Variants in ACSL5 observed in about 807,000 individuals in gnomAD.
The protein encoded by ACSL5 is long-chain-fatty-acid--CoA ligase 5.
A neutral mutation model predicts 84.9 loss-of-function variants in ACSL5; 50 were observed. That is an observed-to-expected ratio of 0.59 (90% CI 0.47 to 0.75). ACSL5 has a LOEUF of 0.75. ACSL5 is among the 30% of genes least tolerant of loss of function. ACSL5 has a pLI of 0.00. For missense variants in ACSL5, 775 were observed against 830.4 expected (o/e 0.93, Z 0.82); for synonymous variants, 280 against 300.7 (o/e 0.93, Z 0.71).
At chr10:112,412,069 C>T in intron 11 of ACSL5, 90 bp downstream of exon 11, 2 of 1,326,416 alleles carry the variant, frequency 1.5e-6, no homozygotes, top group Non-Finnish European at 2.2e-6. Flanking sequence ...ACAGTATTTA[C>T]TGTTCTTTCT....
rs1844488132 is a variant in ACSL5, at chr10:112,422,456, A to C, written c.1593+15A>C. ...GCTGGCTCCCGGTAGGTATATCATC[A>C]GAACTCCTGGAAGTCTATGCTAATG... is the stretch of plus-strand genomic sequence containing the variant. On this transcript the variant is annotated intron_variant, in intron 17 of 20. Transcript: ENST00000354655. The C allele has an allele frequency of 6.2e-7, 1 of 1,607,370 alleles. No individual in the cohort carries two copies. Among genetic ancestry groups the C allele is most frequent in the Non-Finnish European group, 8.5e-7 (1 of 1,174,708 alleles).
At chr10:112,376,120 A>G in intron 1 of ACSL5, 2 of 749,130 alleles carry the variant, frequency 2.7e-6, no homozygotes, top group Non-Finnish European at 4.1e-6. Flanking sequence ...AAAGGCTTTG[A>G]CACGGAGCCA....
Position 112,395,034 on chromosome 10 carries a change from T to C in ACSL5, c.88T>C (p.Trp30Arg), listed in dbSNP as rs1453956256. ...GACATTTGGAGCTGCCATCTTCTTG[T>C]GGCTGATCACCAGACCTCAACCCGT... ...ILTFGAAIFL[W>R]LITRPQPVLP... Residue 30 changes from tryptophan to arginine, a missense_variant, in exon 2 of 21, where the codon TGG becomes CGG. Physicochemically the swap from Trp to Arg is moderately radical, Grantham distance 101. Transcript: ENST00000354655. 9.9e-6 allele frequency: 16 copies of C among 1,614,038 alleles called. No homozygotes were observed. In the Admixed American group the frequency reaches 1.3e-4, roughly 13 times the overall value.
chr10:112,411,647 C>CAT (rs1439326446), intron 10 of ACSL5, 118 bp downstream of exon 10: 12 of 987,564 alleles, frequency 1.2e-5, no homozygotes, highest in Admixed American at 2.1e-5. Flanking sequence ...CACACACACA[C>CAT]GTTAAAGGCT....
intron 2 of ACSL5, among the ~76,000 whole-genome samples, chr10:112,396,707 C>T (rs1843754090): frequency 6.6e-6 from 1 of 152,058 alleles, no homozygotes; most frequent in Non-Finnish European, 1.5e-5. Context: ...CACACACACA[C>T]CCCTCCTTTC....
intron 1 of ACSL5, among the ~76,000 whole-genome samples, chr10:112,386,179 CTCT>C (rs1352945079): frequency 2.3e-4 from 29 of 126,280 alleles, no homozygotes; most frequent in African/African-American, 8.6e-4. Context: ...ACTCCTATAG[CTCT>C]TTTTTTTTTT....
At chr10:112,424,878 T>G (rs1844608938) in intron 17 of ACSL5, 1 of 152,824 alleles carries the variant, frequency 6.5e-6, no homozygotes, top group Non-Finnish European at 1.5e-5. Flanking sequence ...ACAGTGGAGC[T>G]GTTTGAGCCT....
rs1385452780 is a variant in ACSL5 at position 112,394,982 on chromosome 10, T to G, written c.36T>G (p.Leu12=). 5.6e-6 allele frequency: 9 copies of G among 1,613,920 alleles called. No individual in the cohort carries two copies. The Admixed American group carries it at 1.0e-4, about 18-fold the overall frequency. ...LFIFNFLFSP[L]PTPALICILT... is the part of the protein sequence containing the mutation. ...TCTTTAACTTTTTGTTTTCCCCACT[T>G]CCGACCCCGGCGTTGATCTGCATCC... Residue 12 remains leucine (L), a synonymous_variant, in exon 2 of 21, where the codon CTT becomes CTG. Coordinates refer to ENST00000354655, the MANE Select transcript of ACSL5 (RefSeq NM_203379.2).
At chr10:112,378,189 G>A (rs1849277642) in intron 1 of ACSL5, among the ~76,000 whole-genome samples, 1 of 144,324 alleles carries the variant, frequency 6.9e-6, no homozygotes, top group South Asian at 2.3e-4. Flanking sequence ...TACACAGTAG[G>A]TACTCTTATA....
rs181982494 is a variant in ACSL5, at chr10:112,405,392, G to A, written c.432+586G>A. On this transcript the variant is annotated intron_variant, in intron 5 of 20. Transcript: ENST00000354655. ...GATACATATAACATACAAAATCTGT[G>A]TTAACTGTCTGTGTTATCAGCAAGG... Among the ~76,000 whole-genome samples, 43 of 152,278 alleles carry A rather than the reference G, an allele frequency of 2.8e-4. 1 individual carries two copies. The highest frequency in any genetic ancestry group is 4.4e-5 in the Non-Finnish European group (3 of 68,014).
intron 17 of ACSL5, among the ~76,000 whole-genome samples, chr10:112,423,250 G>A (rs1183910337): frequency 3.8e-5 from 3 of 78,496 alleles, no homozygotes; most frequent in Non-Finnish European, 7.4e-5. Context: ...ATATAGGCTG[G>A]AAGTCATGAG....
chr10:112,409,732 C>T, intron 7 of ACSL5, 47 bp downstream of exon 7: 1 of 1,577,146 alleles, frequency 6.3e-7, no homozygotes, highest in Non-Finnish European at 8.7e-7. Context: ...TGTCCAACAC[C>T]TTGGGCAACT....
Position 112,422,417 on chromosome 10 carries a change from A to C in ACSL5, c.1569A>C (p.Thr523=). 6.2e-7 allele frequency: 1 copy of C among 1,614,154 alleles called. No homozygotes were observed. Among genetic ancestry groups the C allele is most frequent in the Non-Finnish European group, 8.5e-7 (1 of 1,179,994 alleles). ...EALDSDGWLH[T]GDIGRWLPNG... ...TGGACAGTGATGGCTGGCTTCACAC[A>C]GGAGACATTGGTCGCTGGCTCCCGG... The change falls in exon 17 of 21, where the codon ACA becomes ACC. Residue 523 remains threonine (T), a synonymous_variant. Coordinates refer to ENST00000354655, the MANE Select transcript of ACSL5 (RefSeq NM_203379.2).
intron 9 of ACSL5, among the ~76,000 whole-genome samples, 167 bp downstream of exon 9, chr10:112,410,802 TA>T (rs1475547912): frequency 1.3e-5 from 2 of 152,200 alleles, no homozygotes; most frequent in Non-Finnish European, 2.9e-5. Flanking sequence ...AACATAAACA[TA>T]AGTAAATACA....
At chr10:112,412,510 C>G (rs1844203526) in intron 11 of ACSL5, 1 of 153,038 alleles carries the variant, frequency 6.5e-6, no homozygotes, top group African/African-American at 2.4e-5. Context: ...GGACTCCAGG[C>G]TTTTCAGGCT....
At chr10:112,397,444 A>C (rs1324208656) in intron 2 of ACSL5, among the ~76,000 whole-genome samples, 2 of 152,176 alleles carry the variant, frequency 1.3e-5, no homozygotes, top group Non-Finnish European at 2.9e-5. Context: ...TGCTGAAATT[A>C]CAGGCGTGAG....
At chr10:112,415,430 G>A (rs1844293532) in intron 12 of ACSL5, among the ~76,000 whole-genome samples, 1 of 151,762 alleles carries the variant, frequency 6.6e-6, no homozygotes, top group Non-Finnish European at 1.5e-5. Flanking sequence ...CGATCTCCCT[G>A]GAATGTATTT....
chr10:112,395,523 T>C (rs2133593593), intron 2 of ACSL5, among the ~76,000 whole-genome samples: 1 of 152,312 alleles, frequency 6.6e-6, no homozygotes, highest in East Asian at 1.9e-4. Flanking sequence ...TGTCAGAACT[T>C]TGGGGACAGG....
rs143891123 is a variant in ACSL5, at chr10:112,384,388, A to G, written c.-30+10119A>G. 3.3e-3 allele frequency among the ~76,000 whole-genome samples: 498 copies of G among 152,336 alleles called. 3 individuals are homozygous for G. The highest frequency in any genetic ancestry group is 0.011 in the African/African-American group (458 of 41,560). ...CCCAGCACCTGGAACAATGCAACATATACAGCCAAGCCCTTCAATAGCTTT... is the reference window on the plus strand; with the variant it reads ...CCCAGCACCTGGAACAATGCAACATGTACAGCCAAGCCCTTCAATAGCTTT... On this transcript the variant is annotated intron_variant, in intron 1 of 20. Transcript: ENST00000354655.
Sources: gnomAD v4.1 joint callset for allele counts (sites outside exome capture counted in the v4.1 genomes callset) on GRCh38, gnomAD v4.1.1 for gene constraint, MANE v1.5 for transcripts, NCBI Gene and HGNC (gene_info 2026-07-23, HGNC 2026-07-21) for gene names.